PRKG1: variants seen among roughly 807,000 people sequenced by gnomAD.
The protein encoded by PRKG1 is cGMP-dependent protein kinase 1.
Under a neutral mutation model 88.1 loss-of-function variants are expected in PRKG1, and 35 were observed. The observed-to-expected ratio is 0.40, with a 90% CI of 0.30 to 0.53. PRKG1 has a LOEUF of 0.53. Ranked by LOEUF, PRKG1 falls within the 20% of genes least tolerant of loss-of-function variation. PRKG1 has a pLI of 0.59. For synonymous variants in PRKG1, 303 were observed against 292.5 expected (o/e 1.04, Z -0.37); for missense variants, 540 against 839.8 (o/e 0.64, Z 4.41).
intron 3 of PRKG1, among the ~76,000 whole-genome samples, chr10:51,679,687 G>A (rs1840794768): frequency 1.3e-5 from 2 of 149,232 alleles, no homozygotes; most frequent in Non-Finnish European, 1.5e-5. Context: ...AGGAGAATAG[G>A]GTCTGGGGGC....
intron 2 of PRKG1, among the ~76,000 whole-genome samples, chr10:51,374,165 G>T (rs1302038911): frequency 1.3e-5 from 2 of 148,236 alleles, no homozygotes; most frequent in South Asian, 4.4e-4. Context: ...TGTTACATAG[G>T]TATACACATG....
chr10:51,405,461 A>G (rs1302509225), intron 2 of PRKG1, among the ~76,000 whole-genome samples: 2 of 152,336 alleles, frequency 1.3e-5, no homozygotes, highest in African/African-American at 4.8e-5. Context: ...AAATTCATCA[A>G]TAGAAGGATC....
chr10:52,257,566 A>T (rs1841339447), intron 10 of PRKG1, among the ~76,000 whole-genome samples: 1 of 139,684 alleles, frequency 7.2e-6, no homozygotes, highest in Non-Finnish European at 1.6e-5. Flanking sequence ...TTTATGCTAC[A>T]TCGGACACCT....
intron 1 of PRKG1, among the ~76,000 whole-genome samples, chr10:51,061,062 T>G (rs1023811823): frequency 2.0e-5 from 3 of 150,960 alleles, no homozygotes; most frequent in South Asian, 2.1e-4. Flanking sequence ...TACCTAGGGG[T>G]GTGTGTGTGT....
rs1172886933 is a variant in PRKG1 at position 52,295,269 on chromosome 10, A to G, written c.*1369A>G. 2.0e-5 allele frequency: 3 copies of G among 152,098 alleles called. No homozygotes were observed. Among genetic ancestry groups the G allele is most frequent in the African/African-American group, 7.2e-5 (3 of 41,460 alleles). 9.4% of individuals were successfully genotyped at this position (152,098 alleles called of 1,614,324 possible). A position where few individuals can be genotyped will look rare whatever the true frequency, so the allele number is the denominator to read the frequency against. ...AGGTGTTGATTACCTTTTAGTGAAT[A>G]AGCTGAGTCCATATACTTGTCTAAC... On this transcript the variant is annotated 3_prime_UTR_variant, in exon 18 of 18. Coordinates refer to ENST00000373980, the MANE Select transcript of PRKG1 (RefSeq NM_006258.4).
chr10:51,899,621 G>A (rs538610124), intron 4 of PRKG1, among the ~76,000 whole-genome samples: 4 of 149,450 alleles, frequency 2.7e-5, no homozygotes, highest in African/African-American at 9.9e-5. Context: ...TCCCACCATT[G>A]CACTCCAGCT....
At chr10:51,648,759 C>G (rs1300975514) in intron 3 of PRKG1, among the ~76,000 whole-genome samples, 2 of 152,120 alleles carry the variant, frequency 1.3e-5, no homozygotes, top group Non-Finnish European at 1.5e-5. Context: ...ACTTTAATGT[C>G]TAAACTTCAT....
upstream of PRKG1, among the ~76,000 whole-genome samples, chr10:51,073,703 G>C (rs999847837): frequency 6.6e-6 from 1 of 152,110 alleles, no homozygotes; most frequent in Non-Finnish European, 1.5e-5. Context: ...GCAACGCCTC[G>C]GGTGCTAAAA....
chr10:51,737,824 C>A (rs1409269311), intron 3 of PRKG1, among the ~76,000 whole-genome samples: 12 of 151,052 alleles, frequency 7.9e-5, no homozygotes, highest in Non-Finnish European at 1.2e-4. Flanking sequence ...AGTGCAATGG[C>A]ACCATCTCGG....
chr10:51,948,630 G>A (rs1261863130), intron 5 of PRKG1, among the ~76,000 whole-genome samples: 2 of 151,698 alleles, frequency 1.3e-5, no homozygotes, highest in Non-Finnish European at 2.9e-5. Flanking sequence ...TTCAGTCTTG[G>A]TGACCTGAGA....
At chr10:51,751,041 T>C (rs1837712047) in intron 3 of PRKG1, among the ~76,000 whole-genome samples, 1 of 152,188 alleles carries the variant, frequency 6.6e-6, no homozygotes, top group Non-Finnish European at 1.5e-5. Flanking sequence ...AAAGAGAGAA[T>C]TTTAGATTAA....
intron 5 of PRKG1, among the ~76,000 whole-genome samples, chr10:52,011,637 A>G (rs1844881893): frequency 6.6e-6 from 1 of 152,102 alleles, no homozygotes; most frequent in African/African-American, 2.4e-5. Flanking sequence ...ATTTGTTACC[A>G]CTTGTAATTC....
intron 3 of PRKG1, among the ~76,000 whole-genome samples, chr10:51,581,367 C>T (rs975389868): frequency 2.0e-5 from 3 of 152,050 alleles, no homozygotes; most frequent in Admixed American, 1.3e-4. Context: ...GCTAGACAAC[C>T]GGTTATACCA....
intron 1 of PRKG1, among the ~76,000 whole-genome samples, chr10:51,048,414 A>G (rs1409233366): frequency 1.3e-5 from 2 of 152,182 alleles, no homozygotes; most frequent in Non-Finnish European, 2.9e-5. Context: ...TACAAAGAGT[A>G]TAACAATAAT....
intron 1 of PRKG1, among the ~76,000 whole-genome samples, chr10:51,144,226 A>G (rs1845886879): frequency 6.6e-6 from 1 of 152,120 alleles, no homozygotes; most frequent in Non-Finnish European, 1.5e-5. Context: ...GAGATAAATG[A>G]GTGGAACATT....
rs114709032 is a variant in PRKG1, at chr10:52,207,310, G to A, written c.1077-44260G>A. 3.7e-3 allele frequency among the ~76,000 whole-genome samples: 559 copies of A among 152,202 alleles called. 3 individuals are homozygous for A. The highest frequency in any genetic ancestry group is 0.013 in the African/African-American group (527 of 41,556). ...TAGGGCTCTCGGATGGTCAGGTTCA[G>A]TCTGCTGGTGAGGGAGCTATGATGA... On this transcript the variant is annotated intron_variant, in intron 9 of 17. Coordinates refer to ENST00000373980, the MANE Select transcript of PRKG1 (RefSeq NM_006258.4).
chr10:51,200,408 A>T (rs1310989933), intron 2 of PRKG1, among the ~76,000 whole-genome samples: 1 of 152,250 alleles, frequency 6.6e-6, no homozygotes, highest in Non-Finnish European at 1.5e-5. Flanking sequence ...GAGGCAGATT[A>T]TGAAGGGTTT....
chr10:51,949,192 A>G (rs891003100), intron 5 of PRKG1, among the ~76,000 whole-genome samples: 4 of 152,166 alleles, frequency 2.6e-5, no homozygotes, highest in Non-Finnish European at 4.4e-5. Flanking sequence ...TGTAAAACAA[A>G]ATAGCATATA....
At chr10:51,527,257 T>C (rs1337632720) in intron 3 of PRKG1, among the ~76,000 whole-genome samples, 2 of 151,998 alleles carry the variant, frequency 1.3e-5, no homozygotes, top group African/African-American at 2.4e-5. Context: ...GCAAACATTC[T>C]ATATTATAAT....
Sources: allele counts gnomAD v4.1 joint callset (sites outside exome capture counted in the v4.1 genomes callset), GRCh38; gene constraint gnomAD v4.1.1; transcripts MANE v1.5; gene names NCBI Gene and HGNC (gene_info 2026-07-23, HGNC 2026-07-21).